The following UBXN11 variants were observed in gnomAD, a reference collection of about 807,000 sequenced individuals.
UBXN11 encodes the protein UBX domain protein 11.
A neutral mutation model predicts 62.8 loss-of-function variants in UBXN11; 47 were observed. That is an observed-to-expected ratio of 0.75 (90% CI 0.59 to 0.95). UBXN11 has a LOEUF of 0.95. Among genes scored for constraint, UBXN11 ranks in the 40% least tolerant of loss-of-function variants. The pLI, the probability that UBXN11 is intolerant of heterozygous loss-of-function variation, is 0.00. For missense variants in UBXN11, 638 were observed against 661.7 expected, an observed-to-expected ratio of 0.96 and a Z score of 0.39; for synonymous variants, 294 against 267.0, an observed-to-expected ratio of 1.10 and a Z score of -0.99.
At chr1:26,305,276 A>T (rs922352235) in intron 1 of UBXN11, among the ~76,000 whole-genome samples, 4 of 151,974 alleles carry the variant, frequency 2.6e-5, no homozygotes, top group African/African-American at 9.7e-5. Flanking sequence ...CATCTCTATA[A>T]TTTTCTTACT....
intron 8 of UBXN11, among the ~76,000 whole-genome samples, chr1:26,293,728 A>AAAAAAG (rs2073327683): frequency 6.8e-6 from 1 of 146,102 alleles, no homozygotes; most frequent in African/African-American, 2.6e-5. Flanking sequence ...CCGTCTCAAA[A>AAAAAAG]AAAAAAAAAA....
At chr1:26,301,416 G>C (rs11247905) in intron 3 of UBXN11, among the ~76,000 whole-genome samples, 28,410 of 152,056 alleles carry the variant, frequency 0.19, 2,877 homozygotes, top group African/African-American at 0.25. Flanking sequence ...GCCCTCACTT[G>C]GTTTCTAGGC....
At chr1:26,283,721 G>T (rs2073057369) in intron 12 of UBXN11, among the ~76,000 whole-genome samples, 1 of 152,164 alleles carries the variant, frequency 6.6e-6, no homozygotes, top group Admixed American at 6.5e-5. Context: ...AGGCAGAGGA[G>T]GCCTGAGAAA....
chr1:26,317,815 T>C, intron 1 of UBXN11: 1 of 567,588 alleles, frequency 1.8e-6, no homozygotes, highest in Non-Finnish European at 3.2e-6. Context: ...CCTTAGAACC[T>C]AGAGCCTGGT....
upstream of UBXN11, chr1:26,307,004 T>C (rs2073686035): frequency 1.3e-5 from 2 of 152,222 alleles, no homozygotes. Flanking sequence ...TATTTCCCCA[T>C]ATGATCAGTA....
intron 8 of UBXN11, 28 bp from the exon 9 acceptor site, chr1:26,286,065 C>T: frequency 4.5e-6 from 7 of 1,565,930 alleles, no homozygotes; most frequent in Non-Finnish European, 6.1e-6. Context: ...CACCTGTGAG[C>T]CGCCTTTTGG....
Position 26,285,945 on chromosome 1 carries a change from CTT to C in UBXN11, c.650_651del (p.Gln217ArgfsTer67). On this transcript the variant is annotated frameshift_variant, in exon 9 of 15. Transcript: ENST00000374222. LOFTEE classifies it high-confidence loss of function. ...CGTGCCCCGCCGGGCACTGGTGTCA[CTT>C]GGGTGTCACCCTCTACCACCAGCTC... ...LSELVVEGDT[Q>X]VTPVPGGARL... The C allele has an allele frequency of 1.2e-6, 2 of 1,613,712 alleles. No homozygotes were observed. Among genetic ancestry groups the C allele is most frequent in the Non-Finnish European group, 1.7e-6 (2 of 1,179,686 alleles).
Position 26,282,480 on chromosome 1 carries a change from A to AGGCCTGC in UBXN11, c.1375_1381dup (p.Leu461ArgfsTer?). The AGGCCTGC allele has an allele frequency of 6.2e-7, 1 of 1,607,902 alleles. No individual in the cohort carries two copies. The highest frequency in any genetic ancestry group is 8.5e-7 in the Non-Finnish European group (1 of 1,177,356). On this transcript the variant is annotated frameshift_variant, in exon 15 of 15. Coordinates refer to ENST00000374222, the MANE Select transcript of UBXN11 (RefSeq NM_001389556.1). LOFTEE classifies it low-confidence loss of function (END_TRUNC). ...CAGCAGCAGTGCTGCTTTGGGCACAAGGCCTGCAGCCTGCAGCGTGAGTGT... is the reference window on the plus strand; with the variant it reads ...CAGCAGCAGTGCTGCTTTGGGCACAAGGCCTGCGGCCTGCAGCCTGCAGCGTGAGTGT...
At chr1:26,288,693 C>T (rs1048145895) in intron 8 of UBXN11, among the ~76,000 whole-genome samples, 4 of 152,194 alleles carry the variant, frequency 2.6e-5, no homozygotes, top group Non-Finnish European at 4.4e-5. Context: ...GAGCCACAGC[C>T]ATCCTTTCTG....
At chr1:26,298,443 A>G (rs1489378533) in intron 4 of UBXN11, among the ~76,000 whole-genome samples, 1 of 152,186 alleles carries the variant, frequency 6.6e-6, no homozygotes, top group South Asian at 2.1e-4. Context: ...GAGTGAGGCA[A>G]ATACCCCACG....
intron 4 of UBXN11, among the ~76,000 whole-genome samples, chr1:26,299,338 C>A (rs924411459): frequency 5.5e-4 from 83 of 151,958 alleles, no homozygotes; most frequent in African/African-American, 1.8e-3. Context: ...ATAGAGAAAC[C>A]CTGTCTCTAC....
intron 4 of UBXN11, among the ~76,000 whole-genome samples, chr1:26,299,987 C>T (rs946391227): frequency 4.0e-5 from 6 of 150,844 alleles, no homozygotes; most frequent in African/African-American, 9.8e-5. Flanking sequence ...AGAGCAAAAC[C>T]CTGTCTCAAA....
At position 26,284,373 on chromosome 1, in the gene UBXN11, T is replaced by A; in HGVS notation, c.962A>T (p.Glu321Val). The change falls in exon 11 of 15, where the codon GAG becomes GTG. Residue 321 changes from glutamate (E) to valine (V), a missense_variant. By Grantham distance (121) the Glu-to-Val change is moderately radical. Transcript: ENST00000374222. ...GAGGCCAAACTCACCTGGGTGCTCCTCCACCCTGTCCAAGGCCTTGTGCAT... is the reference window on the plus strand; with the variant it reads ...GAGGCCAAACTCACCTGGGTGCTCCACCACCCTGTCCAAGGCCTTGTGCAT... ...QLMHKALDRV[E>V]EHPGSRMTAE... The A allele has an allele frequency of 6.2e-7, 1 of 1,614,080 alleles. No homozygotes were observed. Among genetic ancestry groups the A allele is most frequent in the Non-Finnish European group, 8.5e-7 (1 of 1,179,956 alleles).
intron 1 of UBXN11, among the ~76,000 whole-genome samples, chr1:26,316,519 TAATG>T (rs2073796833): frequency 6.6e-6 from 1 of 151,612 alleles, no homozygotes; most frequent in Admixed American, 6.6e-5. Context: ...AATCAAGACT[TAATG>T]GATGAATTCT....
chr1:26,294,244 C>T lies in UBXN11; in HGVS notation c.520G>A (p.Glu174Lys), dbSNP rs201526751. ...SESKTVSEHG[E>K]RDWMTAKKFW... ...TTCTTGGCTGTCATCCAGTCCCTCT[C>T]GCCATGCTCTGAGACTGTCTTGCTC... Residue 174 changes from glutamate to lysine, a missense_variant, in exon 8 of 15, where the codon GAG becomes AAG. Transcript: ENST00000374222. 1.7e-3 allele frequency: 2,777 copies of T among 1,614,074 alleles called. 4 individuals are homozygous for T. Among genetic ancestry groups the T allele is most frequent in the Non-Finnish European group, 2.3e-3 (2,678 of 1,180,000 alleles).
chr1:26,286,938 A>C (rs935750922), intron 8 of UBXN11, among the ~76,000 whole-genome samples: 5 of 152,034 alleles, frequency 3.3e-5, no homozygotes, highest in African/African-American at 1.2e-4. Flanking sequence ...ACCTCAGGTG[A>C]TCCGCCCGCC....
At chr1:26,294,453 C>A (rs768394592) in intron 7 of UBXN11, 122 bp from the exon 8 acceptor site, 2 of 1,415,030 alleles carry the variant, frequency 1.4e-6, no homozygotes, top group Non-Finnish European at 9.4e-7. Context: ...GCTGACCAGA[C>A]AAAGGGATGA....
chr1:26,284,557 C>T (rs1208031846), intron 10 of UBXN11, 75 bp from the exon 11 acceptor site: 12 of 1,510,692 alleles, frequency 7.9e-6, no homozygotes, highest in African/African-American at 2.8e-5. Context: ...TCCCTATTTG[C>T]CTAAACACAG....
At chr1:26,314,264 G>A (rs1032970077) in intron 1 of UBXN11, among the ~76,000 whole-genome samples, 1 of 152,070 alleles carries the variant, frequency 6.6e-6, no homozygotes, top group African/African-American at 2.4e-5. Context: ...ATTTCTTTGA[G>A]GGTTGGGCTG....
Sources: gnomAD v4.1 joint callset for allele counts (sites outside exome capture counted in the v4.1 genomes callset) on GRCh38, gnomAD v4.1.1 for gene constraint, MANE v1.5 for transcripts, NCBI Gene and HGNC (gene_info 2026-07-23, HGNC 2026-07-21) for gene names.